Variants in XXYLT1 observed in about 807,000 individuals in gnomAD.
The protein encoded by XXYLT1 is xyloside xylosyltransferase 1.
Under a neutral mutation model 28.9 loss-of-function variants are expected in XXYLT1, and 20 were observed. That is an observed-to-expected ratio of 0.69 (90% CI 0.49 to 1.00). The LOEUF (loss-of-function observed/expected upper bound fraction) is 1.00, where lower values mean the gene tolerates loss of function less well. Among genes scored for constraint, XXYLT1 ranks in the 50% least tolerant of loss-of-function variants. The pLI, the probability that XXYLT1 is intolerant of heterozygous loss-of-function variation, is 0.00. For missense variants in XXYLT1, 542 were observed against 560.1 expected (o/e 0.97, Z 0.33); for synonymous variants, 257 against 253.8 (o/e 1.01, Z -0.12).
chr3:195,081,317 G>A (rs1218736611), intron 3 of XXYLT1, among the ~76,000 whole-genome samples: 1 of 152,176 alleles, frequency 6.6e-6, no homozygotes, highest in African/African-American at 2.4e-5. Context: ...ATAGCAATTT[G>A]CAAAGTATAC....
intron 2 of XXYLT1, among the ~76,000 whole-genome samples, chr3:195,183,822 C>T (rs147405011): frequency 6.6e-6 from 1 of 152,308 alleles, no homozygotes; most frequent in Non-Finnish European, 1.5e-5. Context: ...TACCCCTCAA[C>T]AGTCCAAGAC....
chr3:195,153,617 C>T (rs533952053), intron 3 of XXYLT1, among the ~76,000 whole-genome samples: 17 of 152,260 alleles, frequency 1.1e-4, no homozygotes, highest in African/African-American at 3.4e-4. Context: ...AGTTTCATTT[C>T]GAATCTAAAA....
At chr3:195,125,688 T>C (rs549968485) in intron 3 of XXYLT1, among the ~76,000 whole-genome samples, 2 of 152,328 alleles carry the variant, frequency 1.3e-5, no homozygotes, top group Non-Finnish European at 2.9e-5. Context: ...GAAGAAGCCA[T>C]ATTGATTTTC....
chr3:195,181,012 G>A lies in XXYLT1; in HGVS notation c.653-24431C>T, dbSNP rs555706051. 1.8e-4 allele frequency among the ~76,000 whole-genome samples: 28 copies of A among 152,356 alleles called. 2 individuals are homozygous for A. The highest frequency in any genetic ancestry group is 8.3e-4 in the South Asian group (4 of 4,830). ...GGCTAAAGGGTGGTGACTCCAGGCCGTGAGAGGGAAAGACAAGGCCGGAGC... is the reference window on the plus strand; with the variant it reads ...GGCTAAAGGGTGGTGACTCCAGGCCATGAGAGGGAAAGACAAGGCCGGAGC... On this transcript the variant is annotated intron_variant, in intron 2 of 3. Coordinates refer to ENST00000310380, the MANE Select transcript of XXYLT1 (RefSeq NM_152531.5).
chr3:195,175,456 C>T (rs1018119257), intron 2 of XXYLT1, among the ~76,000 whole-genome samples: 5 of 152,152 alleles, frequency 3.3e-5, no homozygotes, highest in South Asian at 2.1e-4. Context: ...AGCCAAGCTT[C>T]GGAAAGGGCA....
rs1447624513 is a variant in XXYLT1 at position 195,210,893 on chromosome 3, C to G, written c.652+15816G>C. Among the ~76,000 whole-genome samples the G allele has an allele frequency of 2.0e-5, 3 of 152,202 alleles. No homozygotes were observed. ...TTCCACACCAAGAACCCCTGCTCCT[C>G]CCCCCAGCTGAACGCTGACAGTCAA... On this transcript the variant is annotated intron_variant, in intron 2 of 3. Coordinates refer to ENST00000310380, the MANE Select transcript of XXYLT1 (RefSeq NM_152531.5). The surrounding 1 kb of genome is among the most constrained non-coding windows in gnomAD (Gnocchi z 4.8).
chr3:195,175,964 T>C, intron 2 of XXYLT1: 1 of 1,304,412 alleles, frequency 7.7e-7, no homozygotes, highest in Non-Finnish European at 9.9e-7. Flanking sequence ...CAGCTTAGTC[T>C]AGCCTTACTA....
chr3:195,205,163 C>T (rs750909645), intron 2 of XXYLT1, among the ~76,000 whole-genome samples: 11 of 152,182 alleles, frequency 7.2e-5, no homozygotes, highest in Non-Finnish European at 1.2e-4. Context: ...TACCAAAAGA[C>T]CCAGCTACTG....
chr3:195,225,569 G>A (rs1156331922), intron 2 of XXYLT1, among the ~76,000 whole-genome samples: 1 of 152,220 alleles, frequency 6.6e-6, no homozygotes, highest in African/African-American at 2.4e-5. Flanking sequence ...TCCAGCCACA[G>A]TTCAGATAAC....
intron 3 of XXYLT1, among the ~76,000 whole-genome samples, chr3:195,143,956 C>T (rs1719696318): frequency 1.4e-5 from 2 of 144,756 alleles, no homozygotes; most frequent in Non-Finnish European, 1.5e-5. Flanking sequence ...AGTGCAAGGG[C>T]GAGATCTTGG....
chr3:195,155,563 G>A (rs1274540358), intron 3 of XXYLT1, among the ~76,000 whole-genome samples: 1 of 148,310 alleles, frequency 6.7e-6, no homozygotes, highest in Non-Finnish European at 1.5e-5. Context: ...ACAAGATGTA[G>A]AACAAGAACA....
chr3:195,149,519 C>T (rs893210334), intron 3 of XXYLT1, among the ~76,000 whole-genome samples: 1 of 152,200 alleles, frequency 6.6e-6, no homozygotes, highest in Admixed American at 6.5e-5. Context: ...AAACACCCCA[C>T]GCACGGGGGA....
chr3:195,231,147 C>T (rs570319632), intron 1 of XXYLT1, among the ~76,000 whole-genome samples: 27 of 152,170 alleles, frequency 1.8e-4, no homozygotes, highest in African/African-American at 6.5e-4. Flanking sequence ...AATGGAATTA[C>T]TTTCTTGATT....
At chr3:195,125,920 G>A (rs567026078) in intron 3 of XXYLT1, among the ~76,000 whole-genome samples, 1 of 152,160 alleles carries the variant, frequency 6.6e-6, no homozygotes, top group African/African-American at 2.4e-5. Flanking sequence ...AACAGGGAAG[G>A]TGCGGGCAGG....
chr3:195,101,459 G>A (rs1006178027), intron 3 of XXYLT1, among the ~76,000 whole-genome samples: 1 of 152,136 alleles, frequency 6.6e-6, no homozygotes, highest in Non-Finnish European at 1.5e-5. Flanking sequence ...ACTTTTTCTA[G>A]AAATGCACAC....
At chr3:195,184,781 G>A (rs1177932551) in intron 2 of XXYLT1, 1 of 985,262 alleles carries the variant, frequency 1.0e-6, no homozygotes, top group Non-Finnish European at 1.2e-6. Context: ...CATTCTGAAA[G>A]AAGTGACTAC....
intron 2 of XXYLT1, among the ~76,000 whole-genome samples, chr3:195,188,553 G>A (rs922555193): frequency 2.6e-5 from 4 of 152,252 alleles, no homozygotes; most frequent in Non-Finnish European, 5.9e-5. Flanking sequence ...TCAAGGAGCA[G>A]TACCTCTGCT....
intron 3 of XXYLT1, among the ~76,000 whole-genome samples, chr3:195,139,255 C>T (rs1346168510): frequency 6.6e-6 from 1 of 152,176 alleles, no homozygotes. Context: ...GGCTGCAGAG[C>T]TTGGAGCTGC....
intron 3 of XXYLT1, among the ~76,000 whole-genome samples, chr3:195,125,958 C>T (rs574959270): frequency 6.7e-6 from 1 of 150,150 alleles, no homozygotes; most frequent in South Asian, 2.2e-4. Context: ...TTCACGATAC[C>T]CCGAGATAAC....
Sources: allele counts gnomAD v4.1 joint callset (sites outside exome capture counted in the v4.1 genomes callset), GRCh38; gene constraint gnomAD v4.1.1; non-coding constraint Gnocchi (gnomAD v3.1); transcripts MANE v1.5; gene names NCBI Gene and HGNC (gene_info 2026-07-23, HGNC 2026-07-21).